Variants in BTBD7 observed in about 807,000 individuals in gnomAD.
BTBD7 encodes BTB domain containing 7.
A neutral mutation model predicts 99.9 loss-of-function variants in BTBD7; 38 were observed. The observed-to-expected ratio is 0.38, with a 90% confidence interval of 0.29 to 0.50. BTBD7 has a LOEUF of 0.50. Among genes scored for constraint, BTBD7 ranks in the 20% least tolerant of loss-of-function variants. BTBD7 has a pLI of 0.93. For synonymous variants in BTBD7, 520 were observed against 511.4 expected (o/e 1.02, Z -0.23); for missense variants, 1,170 against 1,394.6 (o/e 0.84, Z 2.57).
rs758298193 is a variant in BTBD7, at chr14:93,261,694, T to C, written c.1372-17A>G. On this transcript the variant is annotated splice_polypyrimidine_tract_variant and intron_variant, in intron 4 of 10. Coordinates refer to ENST00000334746, the MANE Select transcript of BTBD7 (RefSeq NM_001002860.4). ...TTCACTTGCCTATAATAAAAAATGGTTTATATTTATTTTAGTGAAATTAGA... is the reference window on the plus strand; with the variant it reads ...TTCACTTGCCTATAATAAAAAATGGCTTATATTTATTTTAGTGAAATTAGA... 2.2e-5 allele frequency: 35 copies of C among 1,562,266 alleles called. No homozygotes were observed. Among genetic ancestry groups the C allele is most frequent in the Non-Finnish European group, 3.0e-5 (34 of 1,140,614 alleles).
chr14:93,287,787 T>C (rs2139753704), intron 3 of BTBD7: 1 of 152,464 alleles, frequency 6.6e-6, no homozygotes, highest in South Asian at 2.1e-4. Flanking sequence ...CTTTGCTTCC[T>C]TCCCGTGTTG....
intron 3 of BTBD7, chr14:93,288,142 GTC>G: frequency 4.9e-6 from 1 of 206,184 alleles, no homozygotes; most frequent in Non-Finnish European, 9.6e-6. Context: ...TTTTAAAATT[GTC>G]TCTTTTTCCC....
intron 3 of BTBD7, among the ~76,000 whole-genome samples, chr14:93,272,094 G>A (rs1731092942): frequency 1.3e-5 from 2 of 152,038 alleles, no homozygotes; most frequent in South Asian, 2.1e-4. Flanking sequence ...CGAGGTGGGC[G>A]GATCACCAGG....
At chr14:93,283,677 G>C (rs148023808) in intron 3 of BTBD7, among the ~76,000 whole-genome samples, 3 of 152,270 alleles carry the variant, frequency 2.0e-5, no homozygotes, top group Non-Finnish European at 4.4e-5. Flanking sequence ...TCAGCCACCA[G>C]AGTAGCTGGG....
chr14:93,302,031 G>T (rs1470292709), intron 1 of BTBD7, among the ~76,000 whole-genome samples: 1 of 152,196 alleles, frequency 6.6e-6, no homozygotes, highest in Non-Finnish European at 1.5e-5. Context: ...GGTAGAGTAT[G>T]CAGGTTAGCA....
chr14:93,270,994 T>C (rs7156631), intron 3 of BTBD7, among the ~76,000 whole-genome samples: 2,125 of 152,320 alleles, frequency 0.014, 54 homozygotes, highest in African/African-American at 0.048. Flanking sequence ...CCTCAAAAAA[T>C]TGAGTCACAT....
intron 1 of BTBD7, among the ~76,000 whole-genome samples, chr14:93,296,769 AAAC>A (rs1481041353): frequency 6.6e-6 from 1 of 152,114 alleles, no homozygotes; most frequent in African/African-American, 2.4e-5. Context: ...AAGAGACACA[AAAC>A]AAAAAATTTT....
At chr14:93,265,433 T>C (rs772569736) in intron 3 of BTBD7, among the ~76,000 whole-genome samples, 6 of 152,262 alleles carry the variant, frequency 3.9e-5, no homozygotes, top group Non-Finnish European at 5.9e-5. Context: ...CTATCTTCAA[T>C]GTATTCCTAG....
At chr14:93,316,282 T>C (rs944419469) in intron 1 of BTBD7, among the ~76,000 whole-genome samples, 1 of 147,212 alleles carries the variant, frequency 6.8e-6, no homozygotes, top group South Asian at 2.1e-4. Context: ...TTTTAAAAAA[T>C]AGAGACAGTC....
At chr14:93,317,259 C>T (rs1000907976) in intron 1 of BTBD7, among the ~76,000 whole-genome samples, 1 of 152,178 alleles carries the variant, frequency 6.6e-6, no homozygotes, top group Non-Finnish European at 1.5e-5. Context: ...CCTGCCTCAG[C>T]CTCCCAAAGT....
chr14:93,243,334 C>T (rs2052261399), intron 10 of BTBD7, among the ~76,000 whole-genome samples: 1 of 152,010 alleles, frequency 6.6e-6, no homozygotes, highest in South Asian at 2.1e-4. Flanking sequence ...GCTGGGATTA[C>T]AGGTGCCCGC....
In BTBD7 at chr14:93,253,766, G is replaced by T; in HGVS notation, c.1633C>A (p.Pro545Thr). The change falls in exon 7 of 11, where the codon CCT (proline) becomes ACT (threonine). Residue 545 changes from proline to threonine, a missense_variant. This residue lies in a region of BTBD7 where 309 missense variants were observed against 342.0 expected (regional missense o/e 0.90). Coordinates refer to ENST00000334746, the MANE Select transcript of BTBD7 (RefSeq NM_001002860.4). ...GTTGTAGGAAGCATATCTGATGGAG[G>T]AGTACTAATCAAGCCTCTTTTCATC... is the stretch of plus-strand genomic sequence containing the variant. ...DAMKRGLIST[P>T]PSDMLPTTEG... 1.2e-6 allele frequency: 2 copies of T among 1,607,902 alleles called. No homozygotes were observed. The highest frequency in any genetic ancestry group is 1.7e-6 in the Non-Finnish European group (2 of 1,175,824).
At chr14:93,252,955 C>T (rs1019406197) in intron 7 of BTBD7, among the ~76,000 whole-genome samples, 9 of 152,022 alleles carry the variant, frequency 5.9e-5, no homozygotes, top group African/African-American at 2.2e-4. Flanking sequence ...TCCTGAGTAG[C>T]AGAAATCAGG....
rs772822976 is a variant in BTBD7 at position 93,242,507 on chromosome 14, CCT to C, written c.3163_3164del (p.Arg1055GlyfsTer8). 6 of 1,614,118 alleles carry C rather than the reference CCT, an allele frequency of 3.7e-6. No individual in the cohort carries two copies. Among genetic ancestry groups the C allele is most frequent in the East Asian group, 2.2e-5 (1 of 44,896 alleles). On this transcript the variant is annotated frameshift_variant, in exon 11 of 11. Transcript: ENST00000334746. LOFTEE classifies it high-confidence loss of function. ...ENASTGPAHV[R>X]GRTAVETDLT... The stretch of plus-strand genomic sequence containing the variant: ...AGTCAGTTTCTACTGCAGTTCGTCC[CCT>C]GACATGGGCTGGACCGGTACTAGCA...
chr14:93,267,489 A>C (rs775196224), intron 3 of BTBD7, among the ~76,000 whole-genome samples: 1 of 152,234 alleles, frequency 6.6e-6, no homozygotes, highest in East Asian at 1.9e-4. Flanking sequence ...AGTACCATGA[A>C]TATCCAGCTC....
intron 1 of BTBD7, among the ~76,000 whole-genome samples, chr14:93,296,567 C>G (rs1006661211): frequency 6.6e-6 from 1 of 152,068 alleles, no homozygotes. Flanking sequence ...ACACTGGTAC[C>G]GCACATACAA....
chr14:93,254,216 C>T (rs995360895), intron 6 of BTBD7, among the ~76,000 whole-genome samples: 3 of 151,968 alleles, frequency 2.0e-5, no homozygotes, highest in Non-Finnish European at 4.4e-5. Context: ...GGATTACAGG[C>T]GTGAGCCACC....
In BTBD7 at chr14:93,248,402, G is replaced by A. The variant is rs572800819; in HGVS notation, c.2121+74C>T. 9 of 1,491,186 alleles carry A rather than the reference G, an allele frequency of 6.0e-6. No individual in the cohort carries two copies. In the Admixed American group the frequency reaches 9.3e-5, roughly 15 times the overall value. 92.4% of individuals were successfully genotyped at this position (1,491,186 alleles called of 1,614,324 possible). A position where few individuals can be genotyped will look rare whatever the true frequency, so the allele number is the denominator to read the frequency against. ...CGAAAAGGAAATAAGCCAAGGACTC[G>A]TCAGGATGCCCACAATACTGCCTGT... On this transcript the variant is annotated intron_variant, in intron 9 of 10. Coordinates refer to ENST00000334746, the MANE Select transcript of BTBD7 (RefSeq NM_001002860.4).
At position 93,242,670 on chromosome 14, in the gene BTBD7, T is replaced by G. The variant is rs78402070; in HGVS notation, c.3002A>C (p.Lys1001Thr). Residue 1001 changes from lysine to threonine, a missense_variant, in exon 11 of 11, where the codon AAA (lysine) becomes ACA (threonine). Lys to Thr is a moderately conservative substitution (Grantham distance 78). Transcript: ENST00000334746. ...ATATTCTCTCCTAGCTTCTTCCTGT[T>G]TTTTAGGAGACGTCTGACCAGGTAG... ...AYLPGQTSPK[K>T]QEEARREYPL... 2,228 of 1,614,164 alleles carry G rather than the reference T, an allele frequency of 1.4e-3. 24 individuals are homozygous for G. In the East Asian group the frequency reaches 0.023, roughly 17 times the overall value.
Sources: allele counts gnomAD v4.1 joint callset (sites outside exome capture counted in the v4.1 genomes callset), GRCh38; gene constraint gnomAD v4.1.1; regional missense constraint gnomAD v4.1.1; transcripts MANE v1.5; gene names NCBI Gene and HGNC (gene_info 2026-07-23, HGNC 2026-07-21).